The following LIPC variants were observed in gnomAD, a reference collection of about 807,000 sequenced individuals.
LIPC encodes the protein lipase C, hepatic type.
In LIPC, 44 loss-of-function variants were observed where a neutral mutation model predicts 50.7. The observed-to-expected ratio is 0.87, with a 90% CI of 0.68 to 1.11. The LOEUF is 1.11. LIPC is among the 50% of genes most tolerant of loss of function. LIPC has a pLI of 0.00. For synonymous variants in LIPC, 271 were observed against 256.4 expected (o/e 1.06, Z -0.54); for missense variants, 697 against 648.2 (o/e 1.08, Z -0.82).
At position 58,545,929 on chromosome 15, in the gene LIPC, C is replaced by T. The variant is rs1893512981; in HGVS notation, c.762C>T (p.Cys254=). 1 of 1,614,214 alleles carries T rather than the reference C, an allele frequency of 6.2e-7. No homozygotes were observed. The highest frequency in any genetic ancestry group is 8.5e-7 in the Non-Finnish European group (1 of 1,180,034). ...ACGGGGGCTCCTTCCAGCCTGGCTG[C>T]CACTTCCTAGAGCTCTACAGACATA... is the stretch of plus-strand genomic sequence containing the variant. ...YPNGGSFQPG[C]HFLELYRHIA... is the part of the protein sequence containing the mutation. The change falls in exon 5 of 9, where the codon TGC becomes TGT. Residue 254 remains cysteine, a synonymous_variant. Coordinates refer to ENST00000299022, the MANE Select transcript of LIPC (RefSeq NM_000236.3).
At chr15:58,497,884 C>G (rs1195887753) in intron 1 of LIPC, 1 of 152,212 alleles carries the variant, frequency 6.6e-6, no homozygotes. Context: ...TTCACTTGCA[C>G]AAGCCCCTTT....
chr15:58,482,157 G>C, intron 1 of LIPC, among the ~76,000 whole-genome samples: 1 of 152,116 alleles, frequency 6.6e-6, no homozygotes, highest in African/African-American at 2.4e-5. Flanking sequence ...ATCATGAAAG[G>C]TACAAAATGG....
intron 4 of LIPC, among the ~76,000 whole-genome samples, chr15:58,542,967 A>T (rs1893388325): frequency 6.6e-6 from 1 of 152,236 alleles, no homozygotes; most frequent in Non-Finnish European, 1.5e-5. Flanking sequence ...TATAATTTAC[A>T]AAGTCCAATT....
intron 1 of LIPC, among the ~76,000 whole-genome samples, chr15:58,463,625 A>T (rs1485753001): frequency 6.6e-6 from 1 of 152,172 alleles, no homozygotes; most frequent in Non-Finnish European, 1.5e-5. Flanking sequence ...GAAAGAATCC[A>T]TCAGGTCTTT....
chr15:58,543,410 T>C (rs147625209), intron 4 of LIPC, among the ~76,000 whole-genome samples: 2 of 152,018 alleles, frequency 1.3e-5, no homozygotes, highest in African/African-American at 4.8e-5. Flanking sequence ...TTCCCATAGC[T>C]CTAGGCTTCA....
At chr15:58,488,102 T>G (rs1389048302) in intron 1 of LIPC, among the ~76,000 whole-genome samples, 5 of 152,142 alleles carry the variant, frequency 3.3e-5, no homozygotes, top group East Asian at 3.8e-4. Flanking sequence ...AAACCCCCAT[T>G]TCTACTAAAA....
At chr15:58,465,578 G>A (rs1894525417) in intron 1 of LIPC, among the ~76,000 whole-genome samples, 1 of 152,172 alleles carries the variant, frequency 6.6e-6, no homozygotes, top group South Asian at 2.1e-4. Context: ...GTGAGGTGTA[G>A]ATTACGGGTC....
At chr15:58,517,978 C>T (rs1892534924) in intron 1 of LIPC, among the ~76,000 whole-genome samples, 1 of 152,218 alleles carries the variant, frequency 6.6e-6, no homozygotes, top group South Asian at 2.1e-4. Flanking sequence ...TGGTCAAGAG[C>T]TCTATTCATT....
At chr15:58,436,108 C>G (rs529128180) in intron 1 of LIPC, 2 of 152,360 alleles carry the variant, frequency 1.3e-5, no homozygotes, top group African/African-American at 4.8e-5. Context: ...GGAGAACTCC[C>G]GGTTATGCAC....
At chr15:58,567,002 A>G (rs1894385143) in intron 8 of LIPC, among the ~76,000 whole-genome samples, 1 of 151,858 alleles carries the variant, frequency 6.6e-6, no homozygotes, top group Admixed American at 6.6e-5. Flanking sequence ...AATGTTGTGG[A>G]CACCAGATGT....
At chr15:58,553,109 T>G (rs1893820363) in intron 6 of LIPC, among the ~76,000 whole-genome samples, 1 of 152,174 alleles carries the variant, frequency 6.6e-6, no homozygotes, top group Non-Finnish European at 1.5e-5. Context: ...AAAGGCTATG[T>G]GGTCTCCAGA....
At chr15:58,443,612 G>C (rs897102437) in intron 1 of LIPC, among the ~76,000 whole-genome samples, 3 of 152,168 alleles carry the variant, frequency 2.0e-5, no homozygotes, top group Non-Finnish European at 2.9e-5. Context: ...GACCCTCCAC[G>C]GCTCCTCGGT....
At chr15:58,493,957 G>A (rs1196794874) in intron 1 of LIPC, among the ~76,000 whole-genome samples, 1 of 152,140 alleles carries the variant, frequency 6.6e-6, no homozygotes, top group Admixed American at 6.5e-5. Context: ...AGGAGGAGAG[G>A]TTTTAAGAAA....
At position 58,543,047 on chromosome 15, in the gene LIPC, G is replaced by A. The variant is rs141158685; in HGVS notation, c.574+396G>A. ...ATTCATCAGCCACGTTAGTGCCTCC[G>A]TTTCCACATTTGTGAAACGTGTATG... On this transcript the variant is annotated intron_variant, in intron 4 of 8. Transcript: ENST00000299022. Among the ~76,000 whole-genome samples, 38 of 152,280 alleles carry A rather than the reference G, an allele frequency of 2.5e-4. No homozygotes were observed. The East Asian group carries it at 4.2e-3, about 17-fold the overall frequency.
At chr15:58,452,623 T>G (rs1373922668) in intron 1 of LIPC, among the ~76,000 whole-genome samples, 3 of 152,174 alleles carry the variant, frequency 2.0e-5, no homozygotes, top group Non-Finnish European at 4.4e-5. Flanking sequence ...TCTTCCCTTC[T>G]CTCATGAGCT....
intron 1 of LIPC, among the ~76,000 whole-genome samples, chr15:58,457,211 G>C (rs1894157770): frequency 6.6e-6 from 1 of 152,226 alleles, no homozygotes; most frequent in African/African-American, 2.4e-5. Context: ...CCGGGTTCAA[G>C]CATTTCTCCT....
At chr15:58,560,033 T>C (rs1566951868) in intron 6 of LIPC, among the ~76,000 whole-genome samples, 2 of 152,206 alleles carry the variant, frequency 1.3e-5, no homozygotes, top group Non-Finnish European at 2.9e-5. Flanking sequence ...TAACAATGCC[T>C]ACATCATAGC....
At chr15:58,432,259 C>T (rs1893149238) in intron 1 of LIPC, 139 bp downstream of exon 1, 2 of 708,510 alleles carry the variant, frequency 2.8e-6, no homozygotes, top group Middle Eastern at 2.4e-4. Context: ...CACGACCTCA[C>T]AGGTTCACAG....
chr15:58,560,289 C>G (rs7179940), intron 6 of LIPC, among the ~76,000 whole-genome samples: 144,424 of 152,230 alleles, frequency 0.95, 68,713 homozygotes, highest in Middle Eastern at 0.99. Flanking sequence ...TCTAGAACTA[C>G]AGTTATCTTA....
Sources: gnomAD v4.1 joint callset for allele counts (sites outside exome capture counted in the v4.1 genomes callset) on GRCh38, gnomAD v4.1.1 for gene constraint, MANE v1.5 for transcripts, NCBI Gene and HGNC (gene_info 2026-07-23, HGNC 2026-07-21) for gene names.